The following SYNPR variants were observed in gnomAD, a reference collection of about 807,000 sequenced individuals.
SYNPR encodes synaptoporin.
Under a neutral mutation model 32.9 loss-of-function variants are expected in SYNPR, and 23 were observed. The ratio of observed to expected loss-of-function variants is 0.70; its 90% CI spans 0.50 to 0.99. The LOEUF (loss-of-function observed/expected upper bound fraction) is 0.99. Among genes scored for constraint, SYNPR ranks in the 50% least tolerant of loss-of-function variants. SYNPR has a pLI of 0.00. For synonymous variants in SYNPR, 146 were observed against 135.9 expected, an observed-to-expected ratio of 1.07 and a Z score of -0.52; for missense variants, 318 against 349.3, an observed-to-expected ratio of 0.91 and a Z score of 0.71.
intron 2 of SYNPR, among the ~76,000 whole-genome samples, chr3:63,441,363 C>G (rs868271827): frequency 6.6e-6 from 1 of 152,178 alleles, no homozygotes; most frequent in African/African-American, 2.4e-5. Flanking sequence ...GAATTACTCA[C>G]TGGGCTCCGT....
At chr3:63,520,444 G>A (rs1701885886) in intron 3 of SYNPR, among the ~76,000 whole-genome samples, 1 of 152,154 alleles carries the variant, frequency 6.6e-6, no homozygotes, top group Admixed American at 6.5e-5. Flanking sequence ...GGAGGCTGAG[G>A]TGGGTGGATC....
chr3:63,566,155 T>C (rs1403155259), intron 4 of SYNPR, among the ~76,000 whole-genome samples: 1 of 152,130 alleles, frequency 6.6e-6, no homozygotes, highest in Non-Finnish European at 1.5e-5. Context: ...CCATATCTAA[T>C]TATGGAATTT....
intron 2 of SYNPR, among the ~76,000 whole-genome samples, chr3:63,395,633 C>T (rs889918796): frequency 6.6e-6 from 1 of 152,164 alleles, no homozygotes; most frequent in African/African-American, 2.4e-5. Flanking sequence ...TGTGCTAGTG[C>T]TGTCTTCCCA....
the SYNPR span, among the ~76,000 whole-genome samples, chr3:63,207,124 T>C: frequency 6.6e-6 from 1 of 152,236 alleles, no homozygotes; most frequent in Non-Finnish European, 1.5e-5. Flanking sequence ...TCTTGTATTC[T>C]TGTCATTCTT....
chr3:63,217,883 G>A, the SYNPR span, among the ~76,000 whole-genome samples: 7 of 152,096 alleles, frequency 4.6e-5, no homozygotes, highest in African/African-American at 1.7e-4. Context: ...CCACTTAAGA[G>A]GAATTGCAAA....
At chr3:63,589,150 C>T (rs533535289) in intron 4 of SYNPR, among the ~76,000 whole-genome samples, 10 of 152,114 alleles carry the variant, frequency 6.6e-5, no homozygotes, top group South Asian at 2.1e-4. Context: ...CATTATTCAC[C>T]GTGAGTCCTG....
chr3:63,258,596 G>C (rs376102397), intron 2 of SYNPR, among the ~76,000 whole-genome samples: 3 of 151,920 alleles, frequency 2.0e-5, no homozygotes, highest in Admixed American at 6.6e-5. Context: ...ATTTATAGCA[G>C]TAAATGCCCA....
chr3:63,471,950 C>A (rs1210466740), intron 2 of SYNPR, among the ~76,000 whole-genome samples: 2 of 152,182 alleles, frequency 1.3e-5, no homozygotes, highest in African/African-American at 4.8e-5. Flanking sequence ...ATTGGCATAA[C>A]CTACTCACAT....
chr3:63,360,043 A>T (rs2087635909), intron 2 of SYNPR, among the ~76,000 whole-genome samples: 1 of 152,166 alleles, frequency 6.6e-6, no homozygotes, highest in Non-Finnish European at 1.5e-5. Context: ...TTTCTCCTGA[A>T]AATCTAGACT....
chr3:63,552,019 T>C (rs983676164), intron 3 of SYNPR, among the ~76,000 whole-genome samples: 1 of 151,998 alleles, frequency 6.6e-6, no homozygotes, highest in Non-Finnish European at 1.5e-5. Flanking sequence ...TGCCTCAGCC[T>C]CCCGAGTAGC....
At chr3:63,409,197 A>G (rs1238176110) in intron 2 of SYNPR, among the ~76,000 whole-genome samples, 1 of 152,116 alleles carries the variant, frequency 6.6e-6, no homozygotes, top group Non-Finnish European at 1.5e-5. Flanking sequence ...GTCTCCTTAT[A>G]TATCAAAAGC....
At chr3:63,515,810 C>G (rs181303753) in intron 3 of SYNPR, among the ~76,000 whole-genome samples, 1 of 152,186 alleles carries the variant, frequency 6.6e-6, no homozygotes, top group East Asian at 1.9e-4. Context: ...TGTATATATA[C>G]TATAGTCATA....
chr3:63,359,779 C>G (rs2087631822), intron 2 of SYNPR, among the ~76,000 whole-genome samples: 1 of 152,188 alleles, frequency 6.6e-6, no homozygotes, highest in Non-Finnish European at 1.5e-5. Context: ...TTCCTAACAT[C>G]TCTGAACCTC....
intron 2 of SYNPR, among the ~76,000 whole-genome samples, chr3:63,378,924 T>C (rs1275430350): frequency 6.6e-6 from 1 of 152,126 alleles, no homozygotes; most frequent in African/African-American, 2.4e-5. Flanking sequence ...GTAAGTGGTT[T>C]GTATTATAAG....
At chr3:63,448,286 G>A (rs905596910) in intron 2 of SYNPR, among the ~76,000 whole-genome samples, 4 of 152,176 alleles carry the variant, frequency 2.6e-5, no homozygotes, top group African/African-American at 7.2e-5. Flanking sequence ...TTACAGGCCT[G>A]AGCCATCATT....
At chr3:63,268,123 A>C (rs2086505997) in intron 3 of SYNPR, among the ~76,000 whole-genome samples, 1 of 152,214 alleles carries the variant, frequency 6.6e-6, no homozygotes, top group Non-Finnish European at 1.5e-5. Context: ...TCTGTGTGCC[A>C]AGGTGTAAGT....
chr3:63,428,380 A>G lies in SYNPR; in HGVS notation c.85-52452A>G, dbSNP rs1356872874. Among the ~76,000 whole-genome samples the G allele has an allele frequency of 3.9e-5, 6 of 152,198 alleles. No homozygotes were observed. In the East Asian group the frequency reaches 1.2e-3, roughly 29 times the overall value. The stretch of plus-strand genomic sequence containing the variant: ...AGTAATTGTAGACTAAATATCCCCA[A>G]CTTGGGGAAATATTAAAATAAATTA... On this transcript the variant is annotated intron_variant, in intron 2 of 5. Coordinates refer to ENST00000478300, the MANE Select transcript of SYNPR (RefSeq NM_001130003.2).
intron 2 of SYNPR, among the ~76,000 whole-genome samples, chr3:63,257,326 G>A (rs985370131): frequency 1.3e-5 from 2 of 152,232 alleles, no homozygotes; most frequent in East Asian, 1.9e-4. Flanking sequence ...GAGAAAGGTC[G>A]GGTTACCCAC....
intron 1 of SYNPR, among the ~76,000 whole-genome samples, chr3:63,239,010 T>C (rs2086218623): frequency 6.6e-6 from 1 of 152,126 alleles, no homozygotes; most frequent in Admixed American, 6.6e-5. Context: ...ACAACCAAGA[T>C]TGAGCAATAT....
Sources: allele counts gnomAD v4.1 joint callset (sites outside exome capture counted in the v4.1 genomes callset), GRCh38; gene constraint gnomAD v4.1.1; transcripts MANE v1.5; gene names NCBI Gene and HGNC (gene_info 2026-07-23, HGNC 2026-07-21).